Variants in KLF12 observed in about 807,000 individuals in gnomAD.
The protein encoded by KLF12 is Krueppel-like factor 12.
KLF12 carries 9 observed loss-of-function variants against 37.8 expected under a neutral mutation model. The observed-to-expected ratio is 0.24, with a 90% CI of 0.14 to 0.42. KLF12 has a LOEUF of 0.42. KLF12 is among the 10% of genes least tolerant of loss of function. The pLI, the probability that KLF12 is intolerant of heterozygous loss-of-function variation, is 1.00. For synonymous variants in KLF12, 208 were observed against 202.1 expected, an observed-to-expected ratio of 1.03 and a Z score of -0.25; for missense variants, 411 against 516.0, an observed-to-expected ratio of 0.80 and a Z score of 1.97.
At chr13:73,915,557 G>A (rs1040463536) in intron 3 of KLF12, among the ~76,000 whole-genome samples, 2 of 151,602 alleles carry the variant, frequency 1.3e-5, no homozygotes, top group Non-Finnish European at 2.9e-5. Context: ...CTGTCGCCCA[G>A]GCTGGAGTGC....
intron 1 of KLF12, among the ~76,000 whole-genome samples, chr13:74,132,156 A>C (rs530169627): frequency 6.6e-6 from 1 of 152,320 alleles, no homozygotes; most frequent in East Asian, 1.9e-4. Flanking sequence ...TTTTAAATAA[A>C]TGTCAGTTCT....
At chr13:73,741,183 G>T (rs977534807) in intron 6 of KLF12, among the ~76,000 whole-genome samples, 6 of 152,136 alleles carry the variant, frequency 3.9e-5, no homozygotes, top group African/African-American at 1.4e-4. Context: ...AAATTTGACT[G>T]CATCTTATAG....
chr13:73,974,817 G>A (rs1281002029), intron 2 of KLF12, among the ~76,000 whole-genome samples: 1 of 152,176 alleles, frequency 6.6e-6, no homozygotes, highest in Non-Finnish European at 1.5e-5. Context: ...AATGAAAAGT[G>A]ATGATAAAGA....
chr13:74,273,347 G>A, the KLF12 span, among the ~76,000 whole-genome samples: 5 of 151,712 alleles, frequency 3.3e-5, no homozygotes, highest in Non-Finnish European at 5.9e-5. Flanking sequence ...TTTTCTCCTT[G>A]GGCTCATTTT....
At chr13:73,983,018 TCTTA>T (rs1403967878) in intron 2 of KLF12, among the ~76,000 whole-genome samples, 1 of 152,148 alleles carries the variant, frequency 6.6e-6, no homozygotes, top group Non-Finnish European at 1.5e-5. Flanking sequence ...CTTCTTTTGC[TCTTA>T]CTCACATTTC....
intron 5 of KLF12, among the ~76,000 whole-genome samples, chr13:73,771,763 A>G (rs1880286684): frequency 6.6e-6 from 1 of 152,260 alleles, no homozygotes; most frequent in Non-Finnish European, 1.5e-5. Flanking sequence ...GAGATTTCAA[A>G]TTTCATAAAA....
chr13:74,235,838 A>G, the KLF12 span, among the ~76,000 whole-genome samples: 1 of 152,128 alleles, frequency 6.6e-6, no homozygotes, highest in East Asian at 1.9e-4. Context: ...CAGCATCTTA[A>G]TGGAGGATCA....
the KLF12 span, among the ~76,000 whole-genome samples, chr13:74,213,523 T>C: frequency 2.0e-5 from 3 of 152,234 alleles, no homozygotes; most frequent in East Asian, 5.8e-4. Flanking sequence ...CACAGATTAT[T>C]TCCTTTAACT....
chr13:73,783,504 A>G (rs1025065757), intron 5 of KLF12, among the ~76,000 whole-genome samples: 1 of 152,196 alleles, frequency 6.6e-6, no homozygotes, highest in African/African-American at 2.4e-5. Flanking sequence ...CCAAGAAATG[A>G]TAAACGTTTG....
At chr13:73,982,621 A>G (rs1891715518) in intron 2 of KLF12, among the ~76,000 whole-genome samples, 1 of 152,202 alleles carries the variant, frequency 6.6e-6, no homozygotes, top group African/African-American at 2.4e-5. Flanking sequence ...GTAGATTTAT[A>G]ATCATAAATA....
intron 1 of KLF12, among the ~76,000 whole-genome samples, chr13:73,998,226 C>A (rs1202101295): frequency 1.3e-5 from 2 of 152,144 alleles, no homozygotes; most frequent in African/African-American, 2.4e-5. Flanking sequence ...TACTACAGTA[C>A]CAGATTGCTT....
intron 5 of KLF12, among the ~76,000 whole-genome samples, chr13:73,809,983 C>T (rs566384679): frequency 7.9e-5 from 12 of 152,260 alleles, no homozygotes; most frequent in South Asian, 6.2e-4. Flanking sequence ...CGGTGGCTCA[C>T]ACCTGTACTC....
chr13:73,837,199 C>T (rs1455250691), intron 4 of KLF12, among the ~76,000 whole-genome samples: 2 of 152,122 alleles, frequency 1.3e-5, no homozygotes, highest in Non-Finnish European at 2.9e-5. Context: ...TAATTAAACT[C>T]ATTTCTGGGC....
At chr13:74,122,012 A>G (rs1877660071) in intron 1 of KLF12, among the ~76,000 whole-genome samples, 2 of 152,244 alleles carry the variant, frequency 1.3e-5, no homozygotes, top group South Asian at 4.1e-4. Context: ...GGAAAATTAA[A>G]TCTAGTGAGG....
chr13:73,860,701 A>C (rs1358554767), intron 3 of KLF12, among the ~76,000 whole-genome samples: 2 of 152,208 alleles, frequency 1.3e-5, no homozygotes, highest in Non-Finnish European at 2.9e-5. Flanking sequence ...CTATGATTGC[A>C]TCACTGCATT....
the KLF12 span, among the ~76,000 whole-genome samples, chr13:74,181,022 G>A: frequency 1.8e-4 from 27 of 151,346 alleles, no homozygotes; most frequent in African/African-American, 5.6e-4. Flanking sequence ...TTTTTTTGAC[G>A]GAGTCTTGCT....
chr13:74,023,781 AC>A (rs1892904895), intron 1 of KLF12, among the ~76,000 whole-genome samples: 1 of 152,196 alleles, frequency 6.6e-6, no homozygotes, highest in African/African-American at 2.4e-5. Flanking sequence ...TTGTGGGGAC[AC>A]TAACCCAGGA....
chr13:74,277,621 C>CA, the KLF12 span, among the ~76,000 whole-genome samples: 2 of 152,164 alleles, frequency 1.3e-5, no homozygotes, highest in Admixed American at 1.3e-4. Flanking sequence ...AATCATAAAG[C>CA]AATTATAGAT....
At chr13:73,770,865 C>G (rs751942685) in intron 5 of KLF12, among the ~76,000 whole-genome samples, 9 of 152,082 alleles carry the variant, frequency 5.9e-5, no homozygotes, top group Non-Finnish European at 1.2e-4. Flanking sequence ...AACTCTTATT[C>G]TAATGTCATA....
Sources: gnomAD v4.1 joint callset for allele counts (sites outside exome capture counted in the v4.1 genomes callset) on GRCh38, gnomAD v4.1.1 for gene constraint, MANE v1.5 for transcripts, NCBI Gene and HGNC (gene_info 2026-07-23, HGNC 2026-07-21) for gene names.